The following LRRN1 variants were observed in gnomAD, a reference collection of about 807,000 sequenced individuals.
LRRN1 encodes the protein leucine rich repeat neuronal 1, also known as leucine-rich repeat neuronal protein 1.
In LRRN1, 14 loss-of-function variants were observed where a neutral mutation model predicts 45.8. The ratio of observed to expected loss-of-function variants is 0.31; its 90% CI spans 0.20 to 0.48. LRRN1 has a LOEUF of 0.48. LRRN1 is among the 20% of genes least tolerant of loss of function. LRRN1 has a pLI of 0.99. For missense variants in LRRN1, 789 were observed against 874.2 expected (o/e 0.90, Z 1.23); for synonymous variants, 359 against 330.1 (o/e 1.09, Z -0.95).
At chr3:3,821,974 G>A (rs1693114430) in intron 1 of LRRN1, among the ~76,000 whole-genome samples, 1 of 152,146 alleles carries the variant, frequency 6.6e-6, no homozygotes. Context: ...CTCTCATATG[G>A]CATATTGAAA....
Position 3,846,918 on chromosome 3 carries a change from C to CG in LRRN1, c.*129dup. 1.3e-6 allele frequency: 1 copy of CG among 775,440 alleles called. No individual in the cohort carries two copies. The highest frequency in any genetic ancestry group is 2.2e-5 in the South Asian group (1 of 45,974). The allele number at this position is 775,440 out of a possible 1,614,324, so 48.0% of individuals were successfully genotyped here. A position where few individuals can be genotyped will look rare whatever the true frequency, so the allele number is the denominator to read the frequency against. On this transcript the variant is annotated 3_prime_UTR_variant, in exon 2 of 2. Transcript: ENST00000319331. This position sits in a 1 kb window ranked among gnomAD's most constrained non-coding sequence, Gnocchi z 5.7. ...CTAGTTTGTGGCAGAGTGGAGAGGA[C>CG]GGGTGGATATTTCAAATTTTTTTAG...
At chr3:3,802,138 C>T (rs1692666530) in intron 1 of LRRN1, among the ~76,000 whole-genome samples, 1 of 152,190 alleles carries the variant, frequency 6.6e-6, no homozygotes, top group Admixed American at 6.5e-5. Flanking sequence ...GAGTGGTTTT[C>T]AGGTCACATA....
intron 1 of LRRN1, among the ~76,000 whole-genome samples, chr3:3,830,653 G>A (rs1693351810): frequency 6.6e-6 from 1 of 152,208 alleles, no homozygotes; most frequent in African/African-American, 2.4e-5. Flanking sequence ...TGGCCTGAGT[G>A]GAGACCATGG....
chr3:3,821,329 C>G (rs957957192), intron 1 of LRRN1, among the ~76,000 whole-genome samples: 3 of 152,192 alleles, frequency 2.0e-5, no homozygotes, highest in African/African-American at 7.2e-5. Flanking sequence ...CCATGCTAGG[C>G]AGTGCAGACT....
At chr3:3,807,101 A>G (rs1282383002) in intron 1 of LRRN1, among the ~76,000 whole-genome samples, 2 of 152,222 alleles carry the variant, frequency 1.3e-5, no homozygotes, top group African/African-American at 2.4e-5. Flanking sequence ...CCTACGATGC[A>G]TCGGTTAAAA....
chr3:3,841,075 G>A (rs945096843), intron 1 of LRRN1, among the ~76,000 whole-genome samples: 16 of 152,192 alleles, frequency 1.1e-4, no homozygotes, highest in African/African-American at 2.6e-4. Context: ...CGAAGTGGAC[G>A]GATAACGAAG....
At chr3:3,820,322 A>G (rs1007365835) in intron 1 of LRRN1, among the ~76,000 whole-genome samples, 1 of 152,182 alleles carries the variant, frequency 6.6e-6, no homozygotes, top group African/African-American at 2.4e-5. Flanking sequence ...CTCTAGGGCT[A>G]GCATTCTACT....
chr3:3,817,107 G>C (rs1693003512), intron 1 of LRRN1, among the ~76,000 whole-genome samples: 1 of 152,142 alleles, frequency 6.6e-6, no homozygotes, highest in South Asian at 2.1e-4. Context: ...AAGAATGTAA[G>C]TAAAGCACCT....
chr3:3,814,746 T>C (rs1014627727), intron 1 of LRRN1, among the ~76,000 whole-genome samples: 4 of 152,124 alleles, frequency 2.6e-5, no homozygotes, highest in African/African-American at 4.8e-5. Context: ...CAGTTTTGTC[T>C]TTGCCCCCTT....
chr3:3,814,612 A>T (rs183598895), intron 1 of LRRN1, among the ~76,000 whole-genome samples: 4 of 152,286 alleles, frequency 2.6e-5, no homozygotes, highest in Non-Finnish European at 5.9e-5. Context: ...GGAAGTGATG[A>T]AGTAATCAGG....
rs577842251 is a variant in LRRN1 at position 3,840,052 on chromosome 3, C to A, written c.-278-4312C>A. On this transcript the variant is annotated intron_variant, in intron 1 of 1. Coordinates refer to ENST00000319331, the MANE Select transcript of LRRN1 (RefSeq NM_020873.7). ...CAAGAATAGGCATCCTTTCCTTGTTCCCATTCTTAGAGGAGAAACTTTCAG... is the reference window on the plus strand; with the variant it reads ...CAAGAATAGGCATCCTTTCCTTGTTACCATTCTTAGAGGAGAAACTTTCAG... Among the ~76,000 whole-genome samples the A allele has an allele frequency of 8.0e-4, 122 of 152,184 alleles. 1 individual carries two copies. The highest frequency in any genetic ancestry group is 5.0e-3 in the East Asian group (26 of 5,192).
chr3:3,837,130 A>C (rs190048979), intron 1 of LRRN1, among the ~76,000 whole-genome samples: 1 of 152,316 alleles, frequency 6.6e-6, no homozygotes, highest in Non-Finnish European at 1.5e-5. Flanking sequence ...AAAGCACTGC[A>C]AAAGTCTTCC....
In LRRN1 at chr3:3,846,801, A is replaced by G; in HGVS notation, c.*9A>G. ...GCTATTACATGTGGTAACTCAGAGG[A>G]TATTTTGCTTCTGGTAGTAAGGAGC... On this transcript the variant is annotated 3_prime_UTR_variant, in exon 2 of 2. Transcript: ENST00000319331. This position sits in a 1 kb window ranked among gnomAD's most constrained non-coding sequence, Gnocchi z 5.7. The G allele has an allele frequency of 6.3e-7, 1 of 1,576,920 alleles. No homozygotes were observed. The highest frequency in any genetic ancestry group is 1.2e-5 in the South Asian group (1 of 85,194).
chr3:3,810,349 T>C (rs1286350486), intron 1 of LRRN1, among the ~76,000 whole-genome samples: 1 of 152,222 alleles, frequency 6.6e-6, no homozygotes, highest in Non-Finnish European at 1.5e-5. Flanking sequence ...AGGTTGGCCA[T>C]GTAAAACTCT....
chr3:3,832,225 A>C (rs1693388320), intron 1 of LRRN1, among the ~76,000 whole-genome samples: 1 of 152,210 alleles, frequency 6.6e-6, no homozygotes, highest in Admixed American at 6.5e-5. Flanking sequence ...CAATTGCTCC[A>C]GGATGCAATA....
chr3:3,846,418 G>A lies in LRRN1; in HGVS notation c.1777G>A (p.Glu593Lys), dbSNP rs1259743737. The change falls in exon 2 of 2, where the codon GAA becomes AAA. Residue 593 changes from glutamate to lysine, a missense_variant. By Grantham distance (56) the Glu-to-Lys change is moderately conservative. Coordinates refer to ENST00000319331, the MANE Select transcript of LRRN1 (RefSeq NM_020873.7). This position sits in a 1 kb window ranked among gnomAD's most constrained non-coding sequence, Gnocchi z 5.7. ...GCATCTGCAGCCTTCCACAGATTAT[G>A]AAGTGTGTCTCACAGTGTCCAATAT... ...LTHLQPSTDY[E>K]VCLTVSNIHQ... 6.2e-7 allele frequency: 1 copy of A among 1,613,976 alleles called. No homozygotes were observed. The highest frequency in any genetic ancestry group is 1.1e-5 in the South Asian group (1 of 91,078).
Position 3,844,402 on chromosome 3 carries a change from G to T in LRRN1, c.-240G>T. On this transcript the variant is annotated 5_prime_UTR_variant, in exon 2 of 2. The change abolishes an upstream ATG in the 5' untranslated region. Transcript: ENST00000319331. Reference sequence around the variant, plus strand: ...CTTCAATTTGGCTGAAATAATTCATGCCACGGACCTGTGCACATGCCTGGA... The same window carrying T: ...CTTCAATTTGGCTGAAATAATTCATTCCACGGACCTGTGCACATGCCTGGA... 1 of 429,434 alleles carries T rather than the reference G, an allele frequency of 2.3e-6. No individual in the cohort carries two copies. The highest frequency in any genetic ancestry group is 5.1e-5 in the South Asian group (1 of 19,772). The allele number at this position is 429,434 out of a possible 1,614,324, so 26.6% of individuals were successfully genotyped here. A position where few individuals can be genotyped will look rare whatever the true frequency, so the allele number is the denominator to read the frequency against.
Position 3,817,048 on chromosome 3 carries a change from C to G in LRRN1, c.-279+17129C>G, listed in dbSNP as rs565365167. 3.9e-5 allele frequency among the ~76,000 whole-genome samples: 6 copies of G among 152,292 alleles called. No individual in the cohort carries two copies. The East Asian group carries it at 1.2e-3, about 29-fold the overall frequency. On this transcript the variant is annotated intron_variant, in intron 1 of 1. Transcript: ENST00000319331. ...TGATTATGGAGGCCGAGAAGCCCCA[C>G]CACCTGCCATCTATAAGCTGGAAAA...
At chr3:3,820,564 T>G (rs1038832982) in intron 1 of LRRN1, among the ~76,000 whole-genome samples, 3 of 152,238 alleles carry the variant, frequency 2.0e-5, no homozygotes, top group Non-Finnish European at 4.4e-5. Flanking sequence ...GATGGAAACC[T>G]TTGCTTGCTT....
Sources: allele counts gnomAD v4.1 joint callset (sites outside exome capture counted in the v4.1 genomes callset), GRCh38; gene constraint gnomAD v4.1.1; non-coding constraint Gnocchi (gnomAD v3.1); transcripts MANE v1.5; gene names NCBI Gene and HGNC (gene_info 2026-07-23, HGNC 2026-07-21).